PLXDC2: variants seen among roughly 807,000 people sequenced by gnomAD.
PLXDC2 encodes the protein plexin domain-containing protein 2.
Under a neutral mutation model 68.9 loss-of-function variants are expected in PLXDC2, and 40 were observed. The observed-to-expected ratio is 0.58, with a 90% CI of 0.45 to 0.76. PLXDC2 has a LOEUF of 0.76. PLXDC2 is among the 30% of genes least tolerant of loss of function. The pLI is 0.00. For synonymous variants in PLXDC2, 243 were observed against 234.2 expected (o/e 1.04, Z -0.34); for missense variants, 644 against 661.9 (o/e 0.97, Z 0.30).
chr10:20,119,164 A>G (rs1184719952), intron 4 of PLXDC2, among the ~76,000 whole-genome samples: 1 of 152,132 alleles, frequency 6.6e-6, no homozygotes, highest in Non-Finnish European at 1.5e-5. Context: ...ACATGTGCTG[A>G]GTTGAAGGGA....
intron 6 of PLXDC2, among the ~76,000 whole-genome samples, chr10:20,163,157 A>T (rs1484946889): frequency 6.6e-6 from 1 of 152,146 alleles, no homozygotes; most frequent in African/African-American, 2.4e-5. Context: ...CAGAAGACTA[A>T]TTTATATTGG....
At chr10:20,024,021 T>C (rs1338716284) in intron 2 of PLXDC2, among the ~76,000 whole-genome samples, 1 of 152,164 alleles carries the variant, frequency 6.6e-6, no homozygotes, top group African/African-American at 2.4e-5. Flanking sequence ...TGATCTTATA[T>C]ATAAGATGTA....
intron 12 of PLXDC2, among the ~76,000 whole-genome samples, chr10:20,237,387 T>G (rs1835448164): frequency 6.6e-6 from 1 of 151,932 alleles, no homozygotes; most frequent in African/African-American, 2.4e-5. Flanking sequence ...ATGAAAGAAC[T>G]AAGAGGATTA....
chr10:20,036,780 G>A (rs1044658947), intron 2 of PLXDC2, among the ~76,000 whole-genome samples: 3 of 152,082 alleles, frequency 2.0e-5, no homozygotes, highest in South Asian at 2.1e-4. Flanking sequence ...AATTTATTCC[G>A]TTTATATAGA....
intron 1 of PLXDC2, among the ~76,000 whole-genome samples, chr10:19,906,340 C>T (rs147600372): frequency 2.6e-3 from 389 of 152,210 alleles, no homozygotes; most frequent in South Asian, 5.6e-3. Flanking sequence ...CGCAGGGCCA[C>T]GTGGGGAAGC....
At chr10:20,179,921 C>T (rs1834578605) in intron 9 of PLXDC2, among the ~76,000 whole-genome samples, 1 of 152,094 alleles carries the variant, frequency 6.6e-6, no homozygotes, top group East Asian at 1.9e-4. Context: ...TGACACCCAG[C>T]TTTTGGTCTT....
chr10:19,869,468 A>G (rs994909001), intron 1 of PLXDC2, among the ~76,000 whole-genome samples: 25 of 44,588 alleles, frequency 5.6e-4, no homozygotes, highest in Admixed American at 1.6e-3. Flanking sequence ...AGAGAGAGAA[A>G]GGGGGGGGGG....
At chr10:20,043,253 C>T (rs1035283026) in intron 2 of PLXDC2, 1 of 152,148 alleles carries the variant, frequency 6.6e-6, no homozygotes, top group Non-Finnish European at 1.5e-5. Context: ...GTTGCCATGA[C>T]AACTTGGCAA....
At chr10:20,216,120 A>T (rs1477115122) in intron 10 of PLXDC2, among the ~76,000 whole-genome samples, 3 of 152,158 alleles carry the variant, frequency 2.0e-5, no homozygotes, top group African/African-American at 4.8e-5. Flanking sequence ...AAAAAAAAAA[A>T]AATAAAAAAA....
intron 1 of PLXDC2, among the ~76,000 whole-genome samples, chr10:19,863,359 G>A (rs144136401): frequency 6.6e-6 from 1 of 152,194 alleles, no homozygotes; most frequent in Admixed American, 6.5e-5. Flanking sequence ...TTATGTTCTA[G>A]AAGTGCTTGC....
At chr10:20,200,200 A>T (rs1247881347) in intron 9 of PLXDC2, among the ~76,000 whole-genome samples, 1 of 151,976 alleles carries the variant, frequency 6.6e-6, no homozygotes, top group Admixed American at 6.6e-5. Flanking sequence ...TTTGACAGGG[A>T]TTTAATGCTC....
chr10:20,181,138 A>G (rs888400560), intron 9 of PLXDC2, among the ~76,000 whole-genome samples: 1 of 152,084 alleles, frequency 6.6e-6, no homozygotes, highest in Admixed American at 6.6e-5. Flanking sequence ...GGGATAATAT[A>G]GCAAAATTGG....
chr10:20,150,536 T>G (rs1470100068), intron 6 of PLXDC2, among the ~76,000 whole-genome samples: 1 of 152,202 alleles, frequency 6.6e-6, no homozygotes, highest in Non-Finnish European at 1.5e-5. Context: ...AGAATAGTTC[T>G]CAAAAGGACT....
At chr10:19,842,228 C>G (rs572942154) in intron 1 of PLXDC2, among the ~76,000 whole-genome samples, 2 of 152,186 alleles carry the variant, frequency 1.3e-5, no homozygotes, top group African/African-American at 4.8e-5. Flanking sequence ...AGCTTCAGAT[C>G]CCTGTATTTA....
intron 1 of PLXDC2, among the ~76,000 whole-genome samples, chr10:19,967,409 A>C (rs1589561230): frequency 6.6e-6 from 1 of 152,170 alleles, no homozygotes; most frequent in South Asian, 2.1e-4. Flanking sequence ...AATCAAAAGA[A>C]AGTAACAAAA....
chr10:20,125,927 A>AATAT (rs1356308604), intron 4 of PLXDC2, among the ~76,000 whole-genome samples: 1 of 48,788 alleles, frequency 2.0e-5, no homozygotes, highest in Non-Finnish European at 4.2e-5. Flanking sequence ...TGCAGAGAGA[A>AATAT]ATGAACATAT....
At chr10:20,198,657 T>C (rs560561946) in intron 9 of PLXDC2, among the ~76,000 whole-genome samples, 1 of 152,232 alleles carries the variant, frequency 6.6e-6, no homozygotes, top group South Asian at 2.1e-4. Context: ...TTTTCAACTT[T>C]CCAACATCAT....
In PLXDC2 at chr10:20,134,386, C is replaced by T. The variant is rs115286851; in HGVS notation, c.542-8909C>T. ...TGTTGACAAAGAATGTCCTTCACCA[C>T]TCAGTCCATCCAGAAATTCTGTGCC... On this transcript the variant is annotated intron_variant, in intron 4 of 13. Coordinates refer to ENST00000377252, the MANE Select transcript of PLXDC2 (RefSeq NM_032812.9). Among the ~76,000 whole-genome samples the T allele has an allele frequency of 3.4e-3, 514 of 152,298 alleles. 2 individuals carry two copies. The highest frequency in any genetic ancestry group is 0.012 in the African/African-American group (499 of 41,560).
chr10:19,900,851 C>T (rs561907866), intron 1 of PLXDC2, among the ~76,000 whole-genome samples: 15 of 151,728 alleles, frequency 9.9e-5, no homozygotes, highest in African/African-American at 3.6e-4. Flanking sequence ...TGGGAGCCTA[C>T]GGTGTTTGGT....
Sources: gnomAD v4.1 joint callset for allele counts (sites outside exome capture counted in the v4.1 genomes callset) on GRCh38, gnomAD v4.1.1 for gene constraint, MANE v1.5 for transcripts, NCBI Gene and HGNC (gene_info 2026-07-23, HGNC 2026-07-21) for gene names.